Variants in HERC2 observed in about 807,000 individuals in gnomAD.
HERC2 encodes E3 ubiquitin-protein ligase HERC2.
A neutral mutation model predicts 537.7 loss-of-function variants in HERC2; 102 were observed. That is an observed-to-expected ratio of 0.19 (90% CI 0.16 to 0.22). The LOEUF is 0.22. Among genes scored for constraint, HERC2 ranks in the 10% least tolerant of loss-of-function variants. The pLI, the probability that HERC2 is intolerant of heterozygous loss-of-function variation, is 1.00. For missense variants in HERC2, 4,236 were observed against 6,198.2 expected (o/e 0.68, Z 10.63); for synonymous variants, 2,224 against 2,466.2 (o/e 0.90, Z 2.91).
At chr15:28,249,273 T>A (rs1157027508) in intron 20 of HERC2, among the ~76,000 whole-genome samples, 1 of 152,094 alleles carries the variant, frequency 6.6e-6, no homozygotes, top group Non-Finnish European at 1.5e-5. Context: ...CAAGCAGCAC[T>A]GGGGTGGGCC....
intron 52 of HERC2, 80 bp from the exon 53 acceptor site, chr15:28,192,231 A>G: frequency 8.2e-7 from 1 of 1,215,582 alleles, no homozygotes; most frequent in Non-Finnish European, 1.1e-6. Context: ...TTACATAGTA[A>G]GGAGCTTCTT....
intron 3 of HERC2, among the ~76,000 whole-genome samples, chr15:28,297,509 C>T (rs1349871335): frequency 3.3e-5 from 5 of 151,640 alleles, no homozygotes; most frequent in African/African-American, 1.2e-4. Flanking sequence ...AGTAACACCT[C>T]CTGATGAGAA....
intron 86 of HERC2, 158 bp from the exon 87 acceptor site, chr15:28,117,312 C>T (rs1888374601): frequency 1.3e-6 from 1 of 797,540 alleles, no homozygotes; most frequent in Non-Finnish European, 2.1e-6. Context: ...CAGACCCTGC[C>T]GTCTGGGGCG....
At chr15:28,309,991 G>GA (rs2076895915) in intron 2 of HERC2, among the ~76,000 whole-genome samples, 1 of 152,210 alleles carries the variant, frequency 6.6e-6, no homozygotes, top group Non-Finnish European at 1.5e-5. Flanking sequence ...GCTGGTGGGG[G>GA]AGAGGTAAAC....
At chr15:28,278,740 C>A (rs1327140342) in intron 5 of HERC2, among the ~76,000 whole-genome samples, 1 of 152,186 alleles carries the variant, frequency 6.6e-6, no homozygotes, top group Non-Finnish European at 1.5e-5. Flanking sequence ...TTCTGCCTCC[C>A]GTACCTTCTA....
chr15:28,117,300 G>C (rs1429423846), intron 86 of HERC2, 146 bp from the exon 87 acceptor site: 5 of 848,892 alleles, frequency 5.9e-6, no homozygotes, highest in Non-Finnish European at 9.7e-6. Context: ...GTGGACGCCA[G>C]GCAGACCCTG....
Position 28,135,736 on chromosome 15 carries a change from A to G in HERC2, c.12016-44T>C, listed in dbSNP as rs775534555. 7 of 1,393,778 alleles carry G rather than the reference A, an allele frequency of 5.0e-6. No individual in the cohort carries two copies. The African/African-American group carries it at 8.5e-5, about 17-fold the overall frequency. The allele number at this position is 1,393,778 out of a possible 1,614,324, so 86.3% of individuals were successfully genotyped here. A position where few individuals can be genotyped will look rare whatever the true frequency, so the allele number is the denominator to read the frequency against. ...ATAGTAACATCAGTTTTTAATCTCA[A>G]TATCCCCTAAATTTACTAATTCATA... On this transcript the variant is annotated intron_variant, in intron 78 of 92. Transcript: ENST00000261609.
rs1422111039 is a variant in HERC2 at position 28,177,396 on chromosome 15, G to A, written c.9254+23C>T. On this transcript the variant is annotated intron_variant, in intron 60 of 92. Transcript: ENST00000261609. The surrounding 1 kb of genome is among the most constrained non-coding windows in gnomAD (Gnocchi z 5.0). ...CAGAAACAGTTTCTTATTAGCAAAT[G>A]AGACTAAAAAAAGTACCCTTACATT... 1 of 1,596,722 alleles carries A rather than the reference G, an allele frequency of 6.3e-7. No individual in the cohort carries two copies. Among genetic ancestry groups the A allele is most frequent in the Non-Finnish European group, 8.6e-7 (1 of 1,164,252 alleles).
chr15:28,220,732 G>A (rs1900438562), intron 36 of HERC2, 88 bp from the exon 37 acceptor site: 2 of 1,087,098 alleles, frequency 1.8e-6, no homozygotes, highest in African/African-American at 1.5e-5. Flanking sequence ...AGTTAGGAGG[G>A]TGCATGCCCT....
At position 28,113,309 on chromosome 15, in the gene HERC2, G is replaced by C; in HGVS notation, c.14020-26C>G. The C allele has an allele frequency of 6.2e-7, 1 of 1,604,406 alleles. No homozygotes were observed. Among genetic ancestry groups the C allele is most frequent in the Non-Finnish European group, 8.5e-7 (1 of 1,171,530 alleles). ...CTGCGGGAGGATGTCTGTCAGGGCC[G>C]CGTGATGCTTCCCACCCTGGCATTT... On this transcript the variant is annotated intron_variant, in intron 91 of 92. Coordinates refer to ENST00000261609, the MANE Select transcript of HERC2 (RefSeq NM_004667.6). This position sits in a 1 kb window ranked among gnomAD's most constrained non-coding sequence, Gnocchi z 7.0.
At chr15:28,188,190 G>C (rs1227738169) in intron 55 of HERC2, among the ~76,000 whole-genome samples, 1 of 152,002 alleles carries the variant, frequency 6.6e-6, no homozygotes, top group Non-Finnish European at 1.5e-5. Context: ...AACTGCAAAA[G>C]GACATTTACA....
intron 8 of HERC2, among the ~76,000 whole-genome samples, chr15:28,272,681 G>T (rs1178988272): frequency 7.2e-6 from 1 of 139,290 alleles, no homozygotes; most frequent in East Asian, 2.1e-4. Context: ...AAAACTGAAA[G>T]AAAAAAAAAA....
At chr15:28,264,870 A>G (rs1408996996) in intron 14 of HERC2, among the ~76,000 whole-genome samples, 2 of 152,164 alleles carry the variant, frequency 1.3e-5, no homozygotes, top group African/African-American at 4.8e-5. Flanking sequence ...GACTCACAAA[A>G]GCAGAAACAA....
At chr15:28,260,647 A>T in intron 16 of HERC2, 130 bp downstream of exon 16, 2 of 706,016 alleles carry the variant, frequency 2.8e-6, no homozygotes, top group Non-Finnish European at 4.8e-6. Context: ...AGCTCATAAT[A>T]AATGAGTTTA....
chr15:28,156,276 G>A (rs889345749), intron 69 of HERC2, among the ~76,000 whole-genome samples: 1 of 152,192 alleles, frequency 6.6e-6, no homozygotes, highest in Non-Finnish European at 1.5e-5. Flanking sequence ...GAACTTTAAA[G>A]TAGTTTTTTC....
rs144893913 is a variant in HERC2, at chr15:28,287,535, C to G, written c.322+5353G>C. Reference sequence around the variant, plus strand: ...ACTTTGATACCTAGGTGAGGGGAAACAAGGAGAAAGGCAAAACAACAGATT... The same window carrying G: ...ACTTTGATACCTAGGTGAGGGGAAAGAAGGAGAAAGGCAAAACAACAGATT... On this transcript the variant is annotated intron_variant, in intron 4 of 92. Transcript: ENST00000261609. Among the ~76,000 whole-genome samples the G allele has an allele frequency of 4.3e-3, 659 of 152,176 alleles. 6 individuals are homozygous for G. Among genetic ancestry groups the G allele is most frequent in the African/African-American group, 0.015 (619 of 41,504 alleles).
rs2075638661 is a variant in HERC2 at position 28,268,750 on chromosome 15, C to T, written c.1447-134G>A. On this transcript the variant is annotated intron_variant, in intron 11 of 92. Transcript: ENST00000261609. This position sits in a 1 kb window ranked among gnomAD's most constrained non-coding sequence, Gnocchi z 4.7. ...GTGGGGCATAAGTCTCTGGGAACTA[C>T]GGGGCCGGCTCTCCAGCCCTTCCCA... 2.2e-5 allele frequency: 16 copies of T among 734,262 alleles called. No individual in the cohort carries two copies. In the South Asian group the frequency reaches 2.2e-4, roughly 10 times the overall value. 45.5% of individuals were successfully genotyped at this position (734,262 alleles called of 1,614,324 possible). A position where few individuals can be genotyped will look rare whatever the true frequency, so the allele number is the denominator to read the frequency against.
In HERC2 at chr15:28,198,419, T is replaced by C. The variant is rs1897561755; in HGVS notation, c.7970A>G (p.Lys2657Arg). ...ACTCTGATGAGTCACAGATCCCCAT[T>C]TGTATTTTGGTGTGGTGACAGAGGC... ...VKASVTTPKY[K>R]WGSVTHQSVG... Residue 2657 changes from lysine to arginine, a missense_variant, in exon 50 of 93, where the codon AAA becomes AGA. Around this residue, in one of 27 missense-constraint regions of HERC2, gnomAD observed 606 missense variants for 884.5 expected, o/e 0.69. Transcript: ENST00000261609. 3 of 1,613,188 alleles carry C rather than the reference T, an allele frequency of 1.9e-6. No individual in the cohort carries two copies. Among genetic ancestry groups the C allele is most frequent in the Non-Finnish European group, 2.5e-6 (3 of 1,179,868 alleles).
intron 83 of HERC2, among the ~76,000 whole-genome samples, chr15:28,129,362 C>T (rs1487311055): frequency 6.6e-6 from 1 of 152,228 alleles, no homozygotes; most frequent in East Asian, 1.9e-4. Flanking sequence ...TGAGCTGTGT[C>T]AGGTGCTGTC....
Sources: allele counts gnomAD v4.1 joint callset (sites outside exome capture counted in the v4.1 genomes callset), GRCh38; gene constraint gnomAD v4.1.1; regional missense constraint gnomAD v4.1.1; non-coding constraint Gnocchi (gnomAD v3.1); transcripts MANE v1.5; gene names NCBI Gene and HGNC (gene_info 2026-07-23, HGNC 2026-07-21).